The following ABAT variants were observed in gnomAD, a reference collection of about 807,000 sequenced individuals.
ABAT encodes the protein 4-aminobutyrate aminotransferase, mitochondrial.
Under a neutral mutation model 64.6 loss-of-function variants are expected in ABAT, and 45 were observed. That is an observed-to-expected ratio of 0.70 (90% CI 0.55 to 0.89). ABAT has a LOEUF of 0.89. ABAT is among the 40% of genes least tolerant of loss of function. The pLI is 0.00. For missense variants in ABAT, 633 were observed against 658.4 expected, an observed-to-expected ratio of 0.96 and a Z score of 0.42; for synonymous variants, 297 against 250.5, an observed-to-expected ratio of 1.19 and a Z score of -1.75.
chr16:8,773,985 G>C (rs1285332416), intron 12 of ABAT, among the ~76,000 whole-genome samples: 1 of 152,054 alleles, frequency 6.6e-6, no homozygotes, highest in Non-Finnish European at 1.5e-5. Context: ...CTGGAGTGCA[G>C]TGGCACGATC....
At chr16:8,763,590 G>C (rs1055045589) in intron 6 of ABAT, among the ~76,000 whole-genome samples, 1 of 152,216 alleles carries the variant, frequency 6.6e-6, no homozygotes, top group African/African-American at 2.4e-5. Flanking sequence ...TTTTAGCAGA[G>C]AAAAGGTTTC....
At chr16:8,711,326 CAGGT>C (rs142767350) in intron 1 of ABAT, among the ~76,000 whole-genome samples, 2,281 of 152,198 alleles carry the variant, frequency 0.015, 52 homozygotes, top group African/African-American at 0.052. Flanking sequence ...GGCAACTGTC[CAGGT>C]AGGAAACGAT....
chr16:8,692,580 C>T (rs2057608487), intron 1 of ABAT, among the ~76,000 whole-genome samples: 1 of 152,122 alleles, frequency 6.6e-6, no homozygotes, highest in Non-Finnish European at 1.5e-5. Flanking sequence ...GGGCCTGAAG[C>T]TCTTAGCACT....
At chr16:8,727,391 A>C (rs147366310) in intron 1 of ABAT, among the ~76,000 whole-genome samples, 34 of 152,246 alleles carry the variant, frequency 2.2e-4, no homozygotes, top group African/African-American at 8.2e-4. Flanking sequence ...CCGTGTCATC[A>C]TACACCTCCG....
intron 1 of ABAT, among the ~76,000 whole-genome samples, chr16:8,675,857 C>T (rs79777456): frequency 1.3e-5 from 2 of 152,132 alleles, no homozygotes; most frequent in African/African-American, 2.4e-5. Flanking sequence ...TCCAAGAGGG[C>T]CCGCATTTCC....
At chr16:8,778,452 G>A (rs2060331118) in intron 14 of ABAT, among the ~76,000 whole-genome samples, 1 of 152,080 alleles carries the variant, frequency 6.6e-6, no homozygotes, top group African/African-American at 2.4e-5. Flanking sequence ...GCCTGTGTCT[G>A]TCTCCAGATT....
intron 1 of ABAT, among the ~76,000 whole-genome samples, chr16:8,692,815 G>T (rs2057614471): frequency 6.6e-6 from 1 of 152,164 alleles, no homozygotes; most frequent in African/African-American, 2.4e-5. Context: ...CTACATTTAA[G>T]GAGAACTTTG....
chr16:8,727,494 C>T (rs554187568), intron 1 of ABAT, among the ~76,000 whole-genome samples: 33 of 152,292 alleles, frequency 2.2e-4, no homozygotes, highest in Admixed American at 1.9e-3. Context: ...GACATTGTCA[C>T]CCCAGCCAGA....
At chr16:8,749,092 T>TTA (rs1376964336) in intron 4 of ABAT, among the ~76,000 whole-genome samples, 1 of 145,796 alleles carries the variant, frequency 6.9e-6, no homozygotes, top group Non-Finnish European at 1.5e-5. Context: ...TTGTTCCTCT[T>TTA]TTTTTTTTTT....
In ABAT at chr16:8,746,032, A is replaced by C; in HGVS notation, c.102A>C (p.Lys34Asn). 6.2e-7 allele frequency: 1 copy of C among 1,613,840 alleles called. No individual in the cohort carries two copies. Among genetic ancestry groups the C allele is most frequent in the Non-Finnish European group, 8.5e-7 (1 of 1,179,880 alleles). Residue 34 changes from lysine (K) to asparagine (N), a missense_variant, in exon 3 of 16, where the codon AAA (lysine) becomes AAC (asparagine). Coordinates refer to ENST00000268251, the MANE Select transcript of ABAT (RefSeq NM_020686.6). ...GACACATTAGTCAAGCTGCAGCCAA[A>C]GTCGACGTTGAATTTGATTATGATG... ...GSRHISQAAA[K>N]VDVEFDYDGP...
rs149908697 is a variant in ABAT, at chr16:8,755,224, C to T, written c.317-2533C>T. Among the ~76,000 whole-genome samples, 95 of 152,142 alleles carry T rather than the reference C, an allele frequency of 6.2e-4. No individual in the cohort carries two copies. In the East Asian group the frequency reaches 0.018, roughly 29 times the overall value. On this transcript the variant is annotated intron_variant, in intron 5 of 15. Transcript: ENST00000268251. Reference sequence around the variant, plus strand: ...TGGGTGTACTAACCCTGAGGTGGGTCTCCTACGCCTCCCTCCCTCTGGTCT... The same window carrying T: ...TGGGTGTACTAACCCTGAGGTGGGTTTCCTACGCCTCCCTCCCTCTGGTCT...
intron 1 of ABAT, among the ~76,000 whole-genome samples, chr16:8,680,749 T>C (rs1439155067): frequency 2.0e-5 from 3 of 152,100 alleles, no homozygotes; most frequent in African/African-American, 2.4e-5. Context: ...ATTATTATCA[T>C]TGGGGTCACT....
At chr16:8,704,163 T>G (rs1241714558) in intron 1 of ABAT, among the ~76,000 whole-genome samples, 1 of 152,362 alleles carries the variant, frequency 6.6e-6, no homozygotes, top group East Asian at 1.9e-4. Flanking sequence ...TATTTCCACC[T>G]GGGAACTAGA....
At chr16:8,723,234 C>CA (rs1341284849) in intron 1 of ABAT, among the ~76,000 whole-genome samples, 3 of 151,934 alleles carry the variant, frequency 2.0e-5, no homozygotes, top group South Asian at 2.1e-4. Context: ...TCGTGTCTCT[C>CA]AAAAAAATAA....
chr16:8,762,030 T>A (rs1329037237), intron 6 of ABAT, among the ~76,000 whole-genome samples: 1 of 151,910 alleles, frequency 6.6e-6, no homozygotes, highest in East Asian at 1.9e-4. Flanking sequence ...CTTCTTTCTC[T>A]CTCTGTCACC....
chr16:8,757,692 G>A, intron 5 of ABAT, 65 bp from the exon 6 acceptor site: 8 of 1,495,686 alleles, frequency 5.3e-6, no homozygotes, highest in Non-Finnish European at 7.5e-6. Context: ...GGGAAGGAGA[G>A]GTGGGAGGGG....
intron 1 of ABAT, among the ~76,000 whole-genome samples, chr16:8,694,267 C>T (rs931232308): frequency 6.6e-6 from 1 of 151,932 alleles, no homozygotes; most frequent in African/African-American, 2.4e-5. Context: ...TTCTGACCCG[C>T]CCGCCTCGGC....
chr16:8,764,646 A>G lies in ABAT; in HGVS notation c.448-92A>G. Reference sequence around the variant, plus strand: ...AGCCCTGGTTCTGTCTGTCCCCGGTACGGCCCCTGCGAAGATTCAGCTCCA... The same window carrying G: ...AGCCCTGGTTCTGTCTGTCCCCGGTGCGGCCCCTGCGAAGATTCAGCTCCA... On this transcript the variant is annotated intron_variant, in intron 7 of 15. Coordinates refer to ENST00000268251, the MANE Select transcript of ABAT (RefSeq NM_020686.6). The surrounding 1 kb of genome is among the most constrained non-coding windows in gnomAD (Gnocchi z 4.2). 1 of 1,210,538 alleles carries G rather than the reference A, an allele frequency of 8.3e-7. No individual in the cohort carries two copies. The highest frequency in any genetic ancestry group is 1.2e-6 in the Non-Finnish European group (1 of 818,868). The allele number at this position is 1,210,538 out of a possible 1,614,324, so 75.0% of individuals were successfully genotyped here. A position where few individuals can be genotyped will look rare whatever the true frequency, so the allele number is the denominator to read the frequency against.
rs1452641655 is a variant in ABAT, at chr16:8,782,301, G to C, written c.*871G>C. On this transcript the variant is annotated 3_prime_UTR_variant, in exon 16 of 16. Transcript: ENST00000268251. The stretch of plus-strand genomic sequence containing the variant: ...CCGTCACCCCAGGAGGAAAAGCCCA[G>C]GGTCTGGGGCAGCAGAGCCATCGCA... The C allele has an allele frequency of 6.6e-6, 1 of 152,418 alleles. No individual in the cohort carries two copies. The highest frequency in any genetic ancestry group is 1.5e-5 in the Non-Finnish European group (1 of 68,206). 9.4% of individuals were successfully genotyped at this position (152,418 alleles called of 1,614,324 possible).
Sources: allele counts gnomAD v4.1 joint callset (sites outside exome capture counted in the v4.1 genomes callset), GRCh38; gene constraint gnomAD v4.1.1; non-coding constraint Gnocchi (gnomAD v3.1); transcripts MANE v1.5; gene names NCBI Gene and HGNC (gene_info 2026-07-23, HGNC 2026-07-21).